MYO16: variants seen among roughly 807,000 people sequenced by gnomAD.
MYO16 encodes unconventional myosin-XVI.
Under a neutral mutation model 205.3 loss-of-function variants are expected in MYO16, and 94 were observed. The observed-to-expected ratio is 0.46, with a 90% CI of 0.39 to 0.54. The LOEUF is 0.54. Among genes scored for constraint, MYO16 ranks in the 20% least tolerant of loss-of-function variants. The pLI is 0.00. For missense variants in MYO16, 2,315 were observed against 2,387.5 expected (o/e 0.97, Z 0.63); for synonymous variants, 988 against 954.0 (o/e 1.04, Z -0.66).
chr13:108,818,679 C>A (rs1875779475), intron 7 of MYO16, among the ~76,000 whole-genome samples: 1 of 151,824 alleles, frequency 6.6e-6, no homozygotes, highest in African/African-American at 2.4e-5. Flanking sequence ...AGTGTGCATG[C>A]AAATGGAAAC....
At chr13:108,506,243 C>T in the MYO16 span, among the ~76,000 whole-genome samples, 4 of 152,206 alleles carry the variant, frequency 2.6e-5, no homozygotes, top group Admixed American at 2.0e-4. Context: ...TTGTGTCTTA[C>T]TTTGGATATT....
chr13:109,055,204 C>A lies in MYO16; in HGVS notation c.3129+78C>A. On this transcript the variant is annotated intron_variant, in intron 26 of 34. Transcript: ENST00000457511. The surrounding 1 kb of genome is among the most constrained non-coding windows in gnomAD (Gnocchi z 5.0). ...AGAGGGTTTATGTAGACTTTTTTTTCCATTTTTGACAACTTAAATATCTTC... is the reference window on the plus strand; with the variant it reads ...AGAGGGTTTATGTAGACTTTTTTTTACATTTTTGACAACTTAAATATCTTC... 1 of 1,235,750 alleles carries A rather than the reference C, an allele frequency of 8.1e-7. No individual in the cohort carries two copies. The highest frequency in any genetic ancestry group is 1.4e-5 in the South Asian group (1 of 69,778). The allele number at this position is 1,235,750 out of a possible 1,614,324, so 76.5% of individuals were successfully genotyped here.
chr13:108,955,714 G>C (rs1469708716), intron 16 of MYO16, among the ~76,000 whole-genome samples: 1 of 152,124 alleles, frequency 6.6e-6, no homozygotes, highest in African/African-American at 2.4e-5. Context: ...AGCCGGGCAC[G>C]GTGGCAGGCG....
intron 2 of MYO16, among the ~76,000 whole-genome samples, chr13:108,690,284 T>C (rs996790333): frequency 1.3e-5 from 1 of 76,016 alleles, no homozygotes; most frequent in Non-Finnish European, 2.5e-5. Context: ...TATTTTCCTT[T>C]GCACAAAATT....
At chr13:109,179,383 C>T (rs1379012525) in intron 33 of MYO16, among the ~76,000 whole-genome samples, 159 bp from the exon 34 acceptor site, 1 of 152,184 alleles carries the variant, frequency 6.6e-6, no homozygotes, top group Admixed American at 6.5e-5. Context: ...TGTGCATGCC[C>T]ATGTTTCATT....
rs77612926 is a variant in MYO16, at chr13:109,035,064, A to G, written c.2797-11852A>G. 5.0e-4 allele frequency among the ~76,000 whole-genome samples: 76 copies of G among 152,258 alleles called. 2 individuals carry two copies. The East Asian group carries it at 0.013, about 27-fold the overall frequency. ...ATCCCTTCTTCTTAACCCTTGGTCTATTGTTCCTTCTACTTTACCACGCTC... is the reference window on the plus strand; with the variant it reads ...ATCCCTTCTTCTTAACCCTTGGTCTGTTGTTCCTTCTACTTTACCACGCTC... On this transcript the variant is annotated intron_variant, in intron 23 of 34. Coordinates refer to ENST00000457511, the MANE Select transcript of MYO16 (RefSeq NM_001198950.3).
intron 9 of MYO16, among the ~76,000 whole-genome samples, chr13:108,830,390 C>G (rs12021179): frequency 0.61 from 87,207 of 143,172 alleles, 27,546 homozygotes; most frequent in Middle Eastern, 0.71. Flanking sequence ...ACTGGATTAA[C>G]AAAATGTGGC....
intron 23 of MYO16, among the ~76,000 whole-genome samples, chr13:109,040,751 C>T (rs1886860459): frequency 6.6e-6 from 1 of 152,090 alleles, no homozygotes. Flanking sequence ...AATCCTACAG[C>T]CAATATTATA....
the MYO16 span, among the ~76,000 whole-genome samples, chr13:108,510,607 A>G: frequency 8.0e-5 from 5 of 62,342 alleles, no homozygotes; most frequent in African/African-American, 1.4e-4. Context: ...ATATCTCCCA[A>G]TGCTATCCCT....
At chr13:108,749,974 G>A (rs1290489538) in intron 4 of MYO16, among the ~76,000 whole-genome samples, 1 of 152,228 alleles carries the variant, frequency 6.6e-6, no homozygotes, top group Non-Finnish European at 1.5e-5. Context: ...CAAGCCATGA[G>A]CAGACATGGA....
chr13:108,914,503 TTCTC>T lies in MYO16; in HGVS notation c.1925+4359_1925+4362del, dbSNP rs145559169. Among the ~76,000 whole-genome samples the T allele has an allele frequency of 2.3e-3, 357 of 152,256 alleles. 1 individual carries two copies. Among genetic ancestry groups the T allele is most frequent in the African/African-American group, 8.1e-3 (338 of 41,534 alleles). ...TACAAGCCTTCTTCCTTCAAATTCA[TTCTC>T]TCTCTTCTTCCTTCATAGCAACTCA... On this transcript the variant is annotated intron_variant, in intron 16 of 34. Transcript: ENST00000457511.
intron 3 of MYO16, among the ~76,000 whole-genome samples, chr13:108,721,243 A>G (rs9520986): frequency 0.44 from 66,201 of 151,756 alleles, 14,705 homozygotes; most frequent in East Asian, 0.58. Context: ...GCTTTGGACA[A>G]CCTTTGAGGA....
chr13:108,632,948 G>T (rs1250572550), intron 1 of MYO16, among the ~76,000 whole-genome samples: 2 of 152,166 alleles, frequency 1.3e-5, no homozygotes, highest in Non-Finnish European at 2.9e-5. Flanking sequence ...GAGGCTTGAG[G>T]TCTACCTGTG....
intron 5 of MYO16, among the ~76,000 whole-genome samples, chr13:108,788,520 A>G (rs769571394): frequency 1.3e-5 from 2 of 152,196 alleles, no homozygotes; most frequent in Admixed American, 1.3e-4. Context: ...ATACACACAC[A>G]TACAGAAATA....
intron 31 of MYO16, among the ~76,000 whole-genome samples, chr13:109,134,156 A>G (rs1299620961): frequency 2.0e-5 from 3 of 152,186 alleles, no homozygotes; most frequent in African/African-American, 7.2e-5. Context: ...AGCCCTACCT[A>G]GTAGGACTGT....
intron 4 of MYO16, among the ~76,000 whole-genome samples, chr13:108,745,292 A>G (rs904831935): frequency 3.3e-5 from 5 of 152,168 alleles, no homozygotes; most frequent in Middle Eastern, 3.2e-3. Flanking sequence ...GGAGTGAGGA[A>G]ACCCTGGGGG....
rs1393705216 is a variant in MYO16, at chr13:108,705,543, G to T, written c.293-7118G>T. 2.6e-5 allele frequency among the ~76,000 whole-genome samples: 4 copies of T among 152,186 alleles called. 1 individual carries two copies. The highest frequency in any genetic ancestry group is 4.1e-4 in the South Asian group (2 of 4,830). ...GTTATAATTGTTCTATTGTATTATT[G>T]TCATTAATCTTTTGCTGTGCCTAAT... On this transcript the variant is annotated intron_variant, in intron 2 of 34. Transcript: ENST00000457511.
At chr13:108,885,708 A>C (rs912816037) in intron 13 of MYO16, among the ~76,000 whole-genome samples, 4 of 152,172 alleles carry the variant, frequency 2.6e-5, no homozygotes, top group Non-Finnish European at 5.9e-5. Context: ...GAATTTACAT[A>C]ACTTTTGAGT....
At chr13:108,836,349 A>G (rs1876916876) in intron 9 of MYO16, among the ~76,000 whole-genome samples, 1 of 152,214 alleles carries the variant, frequency 6.6e-6, no homozygotes, top group African/African-American at 2.4e-5. Context: ...GTATGGAAAC[A>G]TCTGAATTTC....
Sources: gnomAD v4.1 joint callset for allele counts (sites outside exome capture counted in the v4.1 genomes callset) on GRCh38, gnomAD v4.1.1 for gene constraint, Gnocchi (gnomAD v3.1) non-coding constraint, MANE v1.5 for transcripts, NCBI Gene and HGNC (gene_info 2026-07-23, HGNC 2026-07-21) for gene names.